Variants in LAMA2 observed in about 807,000 individuals in gnomAD.
LAMA2 encodes the protein laminin subunit alpha 2.
In LAMA2, 269 loss-of-function variants were observed where a neutral mutation model predicts 364.8. The observed-to-expected ratio is 0.74, with a 90% CI of 0.67 to 0.82. LAMA2 has a LOEUF of 0.82. Ranked by LOEUF, LAMA2 falls within the 40% of genes least tolerant of loss-of-function variation. The probability of loss-of-function intolerance (pLI) is 0.00; values close to 1 mark genes in which losing one functional copy is unlikely to be tolerated. For missense variants in LAMA2, 3,807 were observed against 3,873.2 expected (o/e 0.98, Z 0.45); for synonymous variants, 1,379 against 1,370.6 (o/e 1.01, Z -0.14).
At chr6:129,475,897 A>C (rs1363051324) in intron 53 of LAMA2, among the ~76,000 whole-genome samples, 4 of 152,150 alleles carry the variant, frequency 2.6e-5, no homozygotes, top group African/African-American at 9.7e-5. Flanking sequence ...ACATTTACAC[A>C]GCCTTTGCAC....
At chr6:129,264,966 A>G (rs1191926638) in intron 15 of LAMA2, among the ~76,000 whole-genome samples, 2 of 152,180 alleles carry the variant, frequency 1.3e-5, no homozygotes, top group Non-Finnish European at 2.9e-5. Flanking sequence ...TAGAAAAGTT[A>G]TATGAGGCTA....
intron 21 of LAMA2, 49 bp downstream of exon 21, chr6:129,297,914 G>T: frequency 6.6e-7 from 1 of 1,505,512 alleles, no homozygotes; most frequent in Non-Finnish European, 9.2e-7. Flanking sequence ...ATAGTTTTAG[G>T]GTCTGACTTC....
At chr6:129,381,697 T>A (rs1474253758) in intron 34 of LAMA2, among the ~76,000 whole-genome samples, 1 of 152,158 alleles carries the variant, frequency 6.6e-6, no homozygotes, top group Non-Finnish European at 1.5e-5. Context: ...AAAGTGAAAA[T>A]AATTCCATTA....
chr6:129,396,989 C>CA (rs60077388), intron 37 of LAMA2, among the ~76,000 whole-genome samples: 45 of 125,952 alleles, frequency 3.6e-4, no homozygotes, highest in East Asian at 3.1e-3. Flanking sequence ...GACAGTGTCT[C>CA]AAAAAAAAAA....
At chr6:129,277,847 T>C (rs188491109) in intron 17 of LAMA2, among the ~76,000 whole-genome samples, 13 of 152,212 alleles carry the variant, frequency 8.5e-5, no homozygotes, top group Admixed American at 2.6e-4. Context: ...CTTTTACTTA[T>C]GTTGGTTTTA....
At chr6:128,896,923 T>G (rs1171844784) in intron 1 of LAMA2, among the ~76,000 whole-genome samples, 1 of 152,248 alleles carries the variant, frequency 6.6e-6, no homozygotes, top group Non-Finnish European at 1.5e-5. Flanking sequence ...ATAAAACTAG[T>G]TAACATCTAT....
intron 1 of LAMA2, among the ~76,000 whole-genome samples, chr6:129,039,930 G>T (rs1786971035): frequency 6.6e-6 from 1 of 152,160 alleles, no homozygotes; most frequent in Admixed American, 6.5e-5. Flanking sequence ...TGCAGCCCTG[G>T]GGTTGGGGAC....
At chr6:129,455,328 G>A (rs1160636908) in intron 47 of LAMA2, among the ~76,000 whole-genome samples, 3 of 152,124 alleles carry the variant, frequency 2.0e-5, no homozygotes. Context: ...GTGTGTGCAT[G>A]TGTGAGAGAG....
At chr6:128,904,452 CTTTTTTTTTTTT>C (rs562812796) in intron 1 of LAMA2, among the ~76,000 whole-genome samples, 1 of 119,336 alleles carries the variant, frequency 8.4e-6, no homozygotes, top group Non-Finnish European at 1.8e-5. Flanking sequence ...TTTTTCCTTT[CTTTTTTTTTTTT>C]TTTTTTTTAA....
intron 49 of LAMA2, among the ~76,000 whole-genome samples, chr6:129,463,120 A>G (rs1333656523): frequency 2.0e-5 from 3 of 152,054 alleles, no homozygotes; most frequent in Non-Finnish European, 4.4e-5. Context: ...TGATATTTTA[A>G]TAGACTTAGC....
intron 4 of LAMA2, among the ~76,000 whole-genome samples, chr6:129,116,562 C>G (rs988830644): frequency 2.0e-5 from 3 of 151,866 alleles, no homozygotes; most frequent in African/African-American, 7.3e-5. Flanking sequence ...AAGGGTTTTT[C>G]CATTCACTTA....
In LAMA2 at chr6:128,910,869, A is replaced by G. The variant is rs573427495; in HGVS notation, c.112+27512A>G. ...TTCCTTCTAACAGACAGGACCCTCA[A>G]CTGCAGGTCTGTTGGAGTACCCTGC... On this transcript the variant is annotated intron_variant, in intron 1 of 64. Coordinates refer to ENST00000421865, the MANE Select transcript of LAMA2 (RefSeq NM_000426.4). Among the ~76,000 whole-genome samples the G allele has an allele frequency of 7.4e-3, 1,110 of 150,866 alleles. 10 individuals carry two copies. The highest frequency in any genetic ancestry group is 0.012 in the South Asian group (57 of 4,748).
chr6:129,301,193 G>A (rs1003459209), intron 22 of LAMA2, among the ~76,000 whole-genome samples: 1 of 152,084 alleles, frequency 6.6e-6, no homozygotes, highest in Non-Finnish European at 1.5e-5. Context: ...GAGGATATGA[G>A]GAACTAATTA....
intron 55 of LAMA2, 102 bp downstream of exon 55, chr6:129,481,541 A>G: frequency 1.0e-6 from 1 of 1,000,476 alleles, no homozygotes; most frequent in South Asian, 1.3e-5. Context: ...TTCTGCTCTC[A>G]TCTTGGCTAG....
At position 129,515,059 on chromosome 6, in the gene LAMA2, A is replaced by G. The variant is rs1340683351; in HGVS notation, c.9211+464A>G. ...TATAGAGTTTATATTTATATTACAA[A>G]GAAACGCAAGCAATAAATCCTCATT... On this transcript the variant is annotated intron_variant, in intron 64 of 64. Coordinates refer to ENST00000421865, the MANE Select transcript of LAMA2 (RefSeq NM_000426.4). Among the ~76,000 whole-genome samples the G allele has an allele frequency of 2.0e-5, 3 of 152,238 alleles. No homozygotes were observed. In the East Asian group the frequency reaches 5.8e-4, roughly 29 times the overall value.
intron 4 of LAMA2, among the ~76,000 whole-genome samples, chr6:129,118,508 A>G (rs756736967): frequency 1.1e-4 from 16 of 152,230 alleles, no homozygotes; most frequent in East Asian, 1.9e-4. Flanking sequence ...AAAATGTGCC[A>G]TATTTAAACA....
chr6:129,165,791 TTAATC>T, intron 9 of LAMA2, 116 bp downstream of exon 9: 2 of 747,398 alleles, frequency 2.7e-6, no homozygotes, highest in Middle Eastern at 2.6e-4. Flanking sequence ...AATTTATTCT[TTAATC>T]TATCAGTGTA....
At chr6:129,318,564 G>A (rs1774759540) in intron 27 of LAMA2, among the ~76,000 whole-genome samples, 1 of 152,184 alleles carries the variant, frequency 6.6e-6, no homozygotes, top group African/African-American at 2.4e-5. Context: ...AAAATTCCAT[G>A]GAGATGCCAA....
chr6:128,943,179 C>G (rs1018849661), intron 1 of LAMA2, among the ~76,000 whole-genome samples: 52 of 152,116 alleles, frequency 3.4e-4, no homozygotes, highest in African/African-American at 1.2e-3. Flanking sequence ...TATATATAAA[C>G]ACATACGCAC....
Sources: allele counts gnomAD v4.1 joint callset (sites outside exome capture counted in the v4.1 genomes callset), GRCh38; gene constraint gnomAD v4.1.1; transcripts MANE v1.5; gene names NCBI Gene and HGNC (gene_info 2026-07-23, HGNC 2026-07-21).